Variants in FMNL2 observed in about 807,000 individuals in gnomAD.
FMNL2 encodes formin like 2.
Under a neutral mutation model 130.2 loss-of-function variants are expected in FMNL2, and 51 were observed. The ratio of observed to expected loss-of-function variants is 0.39; its 90% CI spans 0.31 to 0.49. The LOEUF is 0.49. Ranked by LOEUF, FMNL2 falls within the 20% of genes least tolerant of loss-of-function variation. The pLI is 0.85. For missense variants in FMNL2, 977 were observed against 1,316.2 expected (o/e 0.74, Z 3.99); for synonymous variants, 465 against 467.1 (o/e 1.00, Z 0.06).
chr2:152,496,565 G>A (rs114626402), intron 1 of FMNL2, among the ~76,000 whole-genome samples: 2,412 of 152,250 alleles, frequency 0.016, 71 homozygotes, highest in African/African-American at 0.055. Context: ...TAATTTTAGC[G>A]TTTGTTGATT....
chr2:152,637,486 G>A (rs1202582959), intron 22 of FMNL2, 87 bp from the exon 23 acceptor site: 2 of 1,020,026 alleles, frequency 2.0e-6, no homozygotes, highest in Non-Finnish European at 3.0e-6. Flanking sequence ...CTGTCTTGTG[G>A]CTGCTGCTTT....
At chr2:152,405,561 A>T (rs956621936) in intron 1 of FMNL2, among the ~76,000 whole-genome samples, 4 of 152,108 alleles carry the variant, frequency 2.6e-5, no homozygotes, top group Non-Finnish European at 5.9e-5. Context: ...ACTTTTTGTA[A>T]TGAAAGTGTT....
intron 1 of FMNL2, among the ~76,000 whole-genome samples, chr2:152,492,937 T>A (rs13033468): frequency 0.13 from 19,967 of 152,146 alleles, 2,179 homozygotes; most frequent in African/African-American, 0.27. Flanking sequence ...CTTTGTAGTG[T>A]TTTTCATGGA....
At chr2:152,570,966 G>T (rs1444491960) in intron 6 of FMNL2, among the ~76,000 whole-genome samples, 1 of 152,152 alleles carries the variant, frequency 6.6e-6, no homozygotes, top group Non-Finnish European at 1.5e-5. Flanking sequence ...AGTAACCCAG[G>T]GAGCATCTAT....
At chr2:152,485,960 T>C (rs1021783635) in intron 1 of FMNL2, among the ~76,000 whole-genome samples, 14 of 152,234 alleles carry the variant, frequency 9.2e-5, no homozygotes, top group Admixed American at 5.9e-4. Context: ...AAAAAGAATA[T>C]TTAGAGGAGG....
At chr2:152,433,596 C>T (rs191469112) in intron 1 of FMNL2, among the ~76,000 whole-genome samples, 17 of 152,216 alleles carry the variant, frequency 1.1e-4, no homozygotes, top group Admixed American at 3.9e-4. Context: ...AAGTTGCATG[C>T]CCCTGGACAC....
Position 152,619,560 on chromosome 2 carries a change from C to T in FMNL2, c.1679C>T (p.Pro560Leu). Residue 560 changes from proline (P) to leucine (L), a missense_variant, in exon 15 of 26, where the codon CCT becomes CTT. Around this residue, in one of 4 missense-constraint regions of FMNL2, gnomAD observed 689 missense variants for 995.9 expected, o/e 0.69. Transcript: ENST00000288670. Reference protein sequence around the residue: ...PPMPPPPPPPPPPPPPPPPPP... With the variant: ...PPMPPPPPPPLPPPPPPPPPP... ...ATGCCACCGCCGCCGCCGCCCCCTC[C>T]TCCACCTCCTCCTCCCCCACCGCCC... is the stretch of plus-strand genomic sequence containing the variant. The T allele has an allele frequency of 6.7e-7, 1 of 1,497,184 alleles. No individual in the cohort carries two copies. Among genetic ancestry groups the T allele is most frequent in the Non-Finnish European group, 9.0e-7 (1 of 1,106,522 alleles). The allele number at this position is 1,497,184 out of a possible 1,614,324, so 92.7% of individuals were successfully genotyped here.
At chr2:152,476,534 A>T (rs1232256091) in intron 1 of FMNL2, among the ~76,000 whole-genome samples, 1 of 152,034 alleles carries the variant, frequency 6.6e-6, no homozygotes, top group African/African-American at 2.4e-5. Context: ...TTAGTCGGGC[A>T]TGGTGACGCT....
rs184766943 is a variant in FMNL2, at chr2:152,397,905, C to T, written c.117+62185C>T. Among the ~76,000 whole-genome samples, 1,083 of 152,286 alleles carry T rather than the reference C, an allele frequency of 7.1e-3. 13 individuals carry two copies. The highest frequency in any genetic ancestry group is 8.8e-3 in the Non-Finnish European group (598 of 68,018). ...TTGGGAGACCAAGGCAGGCGGATCA[C>T]CTGAGGTCAGGAGTTCAAGACCAGC... On this transcript the variant is annotated intron_variant, in intron 1 of 25. Coordinates refer to ENST00000288670, the MANE Select transcript of FMNL2 (RefSeq NM_052905.4).
intron 6 of FMNL2, among the ~76,000 whole-genome samples, chr2:152,564,470 C>T (rs1695704328): frequency 6.6e-6 from 1 of 152,142 alleles, no homozygotes. Flanking sequence ...GCCTATAATC[C>T]CAGCACTTTG....
chr2:152,609,358 C>A (rs1337344093), intron 10 of FMNL2, among the ~76,000 whole-genome samples: 1 of 152,144 alleles, frequency 6.6e-6, no homozygotes, highest in African/African-American at 2.4e-5. Flanking sequence ...AGAATCTAAC[C>A]ATGTTTTCTC....
At chr2:152,615,068 G>A in intron 12 of FMNL2, 68 bp downstream of exon 12, 1 of 1,542,958 alleles carries the variant, frequency 6.5e-7, no homozygotes, top group Middle Eastern at 1.8e-4. Context: ...ATTAATGTCA[G>A]CTTTTATGGT....
At chr2:152,619,293 A>G in intron 14 of FMNL2, 135 bp downstream of exon 14, 1 of 1,299,690 alleles carries the variant, frequency 7.7e-7, no homozygotes, top group Non-Finnish European at 1.0e-6. Context: ...AGTAGTTCTT[A>G]ACTGTTTACA....
chr2:152,631,794 T>C (rs1009482875), intron 20 of FMNL2, among the ~76,000 whole-genome samples: 23 of 152,174 alleles, frequency 1.5e-4, no homozygotes, highest in Admixed American at 6.5e-5. Flanking sequence ...TAGTTAAGCA[T>C]GTGCCCTGGT....
At chr2:152,592,222 C>G (rs1697482413) in intron 9 of FMNL2, among the ~76,000 whole-genome samples, 1 of 152,194 alleles carries the variant, frequency 6.6e-6, no homozygotes, top group Admixed American at 6.5e-5. Flanking sequence ...AAGGTCAACA[C>G]TAGGAGGACA....
At chr2:152,462,378 C>G (rs1689298746) in intron 1 of FMNL2, among the ~76,000 whole-genome samples, 1 of 152,130 alleles carries the variant, frequency 6.6e-6, no homozygotes, top group Non-Finnish European at 1.5e-5. Flanking sequence ...TCAAACATTA[C>G]TGCACACTGG....
chr2:152,514,896 G>T (rs150741532), intron 1 of FMNL2, among the ~76,000 whole-genome samples: 3 of 152,022 alleles, frequency 2.0e-5, no homozygotes, highest in African/African-American at 7.3e-5. Context: ...ATACATTATC[G>T]AATTTAATTT....
intron 1 of FMNL2, among the ~76,000 whole-genome samples, chr2:152,503,357 T>A (rs1691960883): frequency 6.6e-6 from 1 of 152,084 alleles, no homozygotes; most frequent in South Asian, 2.1e-4. Context: ...CCTGACCTAT[T>A]ATAGGATTCT....
chr2:152,631,781 C>G (rs538075501), intron 20 of FMNL2, among the ~76,000 whole-genome samples: 1 of 152,096 alleles, frequency 6.6e-6, no homozygotes, highest in Non-Finnish European at 1.5e-5. Context: ...AGAGTCATCC[C>G]TATAGTTAAG....
Sources: gnomAD v4.1 joint callset for allele counts (sites outside exome capture counted in the v4.1 genomes callset) on GRCh38, gnomAD v4.1.1 for gene constraint, gnomAD v4.1.1 regional missense constraint, MANE v1.5 for transcripts, NCBI Gene and HGNC (gene_info 2026-07-23, HGNC 2026-07-21) for gene names.